The following MFSD6 variants were observed in gnomAD, a reference collection of about 807,000 sequenced individuals.
MFSD6 encodes major facilitator superfamily domain-containing protein 6.
A neutral mutation model predicts 56.3 loss-of-function variants in MFSD6; 26 were observed. The observed-to-expected ratio is 0.46, with a 90% CI of 0.34 to 0.64. The LOEUF (loss-of-function observed/expected upper bound fraction) is 0.64. Ranked by LOEUF, MFSD6 falls within the 30% of genes least tolerant of loss-of-function variation. The probability of loss-of-function intolerance (pLI) is 0.01; values close to 1 mark genes in which losing one functional copy is unlikely to be tolerated. For missense variants in MFSD6, 750 were observed against 986.2 expected, an observed-to-expected ratio of 0.76 and a Z score of 3.21; for synonymous variants, 331 against 366.9, an observed-to-expected ratio of 0.90 and a Z score of 1.12.
chr2:190,436,194 C>G lies in MFSD6; in HGVS notation c.165C>G (p.Asp55Glu). Reference protein sequence around the residue: ...ETSAIPEEEIDWIEKHCVKIN... With the variant: ...ETSAIPEEEIEWIEKHCVKIN... ...CTGCTATTCCTGAGGAGGAAATAGA[C>G]TGGATAGAGAAACATTGTGTTAAGA... Residue 55 changes from aspartate (D) to glutamate (E), a missense_variant, in exon 3 of 8, where the codon GAC becomes GAG. By Grantham distance (45) the Asp-to-Glu change is conservative (BLOSUM62 2). Coordinates refer to ENST00000392328, the MANE Select transcript of MFSD6 (RefSeq NM_017694.4). The surrounding 1 kb of genome is among the most constrained non-coding windows in gnomAD (Gnocchi z 5.3). 1 of 1,614,150 alleles carries G rather than the reference C, an allele frequency of 6.2e-7. No individual in the cohort carries two copies. Among genetic ancestry groups the G allele is most frequent in the Non-Finnish European group, 8.5e-7 (1 of 1,179,970 alleles).
intron 3 of MFSD6, among the ~76,000 whole-genome samples, chr2:190,452,253 T>A (rs1317611800): frequency 1.3e-5 from 2 of 152,038 alleles, no homozygotes; most frequent in African/African-American, 2.4e-5. Flanking sequence ...AGACTCCATC[T>A]CAAAAACAAC....
intron 3 of MFSD6, among the ~76,000 whole-genome samples, chr2:190,445,139 G>A (rs1034066455): frequency 1.3e-5 from 2 of 152,110 alleles, no homozygotes; most frequent in African/African-American, 4.8e-5. Flanking sequence ...GGCCTGCTGT[G>A]TGAGCTGAGT....
At chr2:190,476,191 C>CA (rs1559133531) in intron 4 of MFSD6, among the ~76,000 whole-genome samples, 1 of 151,922 alleles carries the variant, frequency 6.6e-6, no homozygotes, top group African/African-American at 2.4e-5. Context: ...GCAATGGCAA[C>CA]AAAAGCCAAA....
chr2:190,443,572 G>A lies in MFSD6; in HGVS notation c.1532+6011G>A, dbSNP rs989558350. Among the ~76,000 whole-genome samples, 39 of 152,198 alleles carry A rather than the reference G, an allele frequency of 2.6e-4. No homozygotes were observed. Among genetic ancestry groups the A allele is most frequent in the Non-Finnish European group, 5.7e-4 (39 of 68,044 alleles). On this transcript the variant is annotated intron_variant, in intron 3 of 7. Transcript: ENST00000392328. The surrounding 1 kb of genome is among the most constrained non-coding windows in gnomAD (Gnocchi z 4.2). The stretch of plus-strand genomic sequence containing the variant: ...CAGATGATTAAACCTGCAAAGTCAA[G>A]ATGTTTATGATTTTCAAAATAACTA...
rs778355872 is a variant in MFSD6, at chr2:190,433,133, T to C, written c.-53-2844T>C. Among the ~76,000 whole-genome samples, 3 of 152,206 alleles carry C rather than the reference T, an allele frequency of 2.0e-5. No individual in the cohort carries two copies. The highest frequency in any genetic ancestry group is 4.4e-5 in the Non-Finnish European group (3 of 68,034). On this transcript the variant is annotated intron_variant, in intron 2 of 7. Coordinates refer to ENST00000392328, the MANE Select transcript of MFSD6 (RefSeq NM_017694.4). The surrounding 1 kb of genome is among the most constrained non-coding windows in gnomAD (Gnocchi z 4.5). ...TACAGTGTGTGTGTATGTTTGGGTGTGTGTGTGTTTATTGTCATTTTAGTG... is the reference window on the plus strand; with the variant it reads ...TACAGTGTGTGTGTATGTTTGGGTGCGTGTGTGTTTATTGTCATTTTAGTG...
Position 190,411,391 on chromosome 2 carries a change from C to T in MFSD6, c.-176+2888C>T, listed in dbSNP as rs1380058475. The T allele has an allele frequency of 6.7e-6, 5 of 744,084 alleles. No homozygotes were observed. The African/African-American group carries it at 7.7e-5, about 11-fold the overall frequency. The allele number at this position is 744,084 out of a possible 1,614,324, so 46.1% of individuals were successfully genotyped here. A position where few individuals can be genotyped will look rare whatever the true frequency, so the allele number is the denominator to read the frequency against. On this transcript the variant is annotated intron_variant, in intron 1 of 7. Coordinates refer to ENST00000392328, the MANE Select transcript of MFSD6 (RefSeq NM_017694.4). ...GCCAGGATGGTCTCCATCTCCTGAC[C>T]TCATGATTCCCCTGCCTAGGCCTCC...
rs760469565 is a variant in MFSD6, at chr2:190,496,655, T to C, written c.1892-784T>C. ...ATGTGTGTATATATATGTATATGTG[T>C]ATATGTGTGTGTATGTGTGTGTGTA... is the stretch of plus-strand genomic sequence containing the variant. On this transcript the variant is annotated intron_variant, in intron 6 of 7. Coordinates refer to ENST00000392328, the MANE Select transcript of MFSD6 (RefSeq NM_017694.4). This position sits in a 1 kb window ranked among gnomAD's most constrained non-coding sequence, Gnocchi z 4.7. Among the ~76,000 whole-genome samples, 1 of 151,744 alleles carries C rather than the reference T, an allele frequency of 6.6e-6. No homozygotes were observed. The highest frequency in any genetic ancestry group is 1.5e-5 in the Non-Finnish European group (1 of 68,018).
rs1689665874 is a variant in MFSD6 at position 190,496,186 on chromosome 2, C to G, written c.1892-1253C>G. Among the ~76,000 whole-genome samples, 1 of 150,168 alleles carries G rather than the reference C, an allele frequency of 6.7e-6. No individual in the cohort carries two copies. The highest frequency in any genetic ancestry group is 1.5e-5 in the Non-Finnish European group (1 of 67,618). ...AGAGTGGACTAAGGACATGCATAAA[C>G]AATTCTCAAGCAAAGATACACAAAT... On this transcript the variant is annotated intron_variant, in intron 6 of 7. Coordinates refer to ENST00000392328, the MANE Select transcript of MFSD6 (RefSeq NM_017694.4). The surrounding 1 kb of genome is among the most constrained non-coding windows in gnomAD (Gnocchi z 4.7).
rs943414883 is a variant in MFSD6 at position 190,416,978 on chromosome 2, G to C, written c.-54+1565G>C. On this transcript the variant is annotated intron_variant, in intron 2 of 7. Coordinates refer to ENST00000392328, the MANE Select transcript of MFSD6 (RefSeq NM_017694.4). The surrounding 1 kb of genome is among the most constrained non-coding windows in gnomAD (Gnocchi z 4.1). ...CTTGTCAAAATAAACAGTATTGAGA[G>C]CTTACAGGGGTAAAGGGCAATATGT... Among the ~76,000 whole-genome samples the C allele has an allele frequency of 2.0e-5, 3 of 152,116 alleles. No individual in the cohort carries two copies. Among genetic ancestry groups the C allele is most frequent in the African/African-American group, 7.2e-5 (3 of 41,416 alleles).
chr2:190,408,966 A>G (rs1291146703), intron 1 of MFSD6, among the ~76,000 whole-genome samples: 1 of 152,188 alleles, frequency 6.6e-6, no homozygotes, highest in African/African-American at 2.4e-5. Flanking sequence ...CCCTGGGAAA[A>G]AGGAGGAGGT....
intron 4 of MFSD6, among the ~76,000 whole-genome samples, chr2:190,475,707 A>T (rs1011377659): frequency 1.2e-4 from 18 of 152,172 alleles, no homozygotes; most frequent in African/African-American, 4.3e-4. Context: ...ATTGGAAAAA[A>T]CTACTTTAAA....
intron 4 of MFSD6, among the ~76,000 whole-genome samples, chr2:190,480,650 A>G (rs1269854832): frequency 6.6e-6 from 1 of 152,222 alleles, no homozygotes; most frequent in African/African-American, 2.4e-5. Flanking sequence ...ATAAAGTGCT[A>G]AGGCTTGAAT....
In MFSD6 at chr2:190,489,687, T is replaced by A; in HGVS notation, c.1793-81T>A. The A allele has an allele frequency of 7.6e-7, 1 of 1,319,774 alleles. No homozygotes were observed. The highest frequency in any genetic ancestry group is 1.1e-6 in the Non-Finnish European group (1 of 950,688). The allele number at this position is 1,319,774 out of a possible 1,614,324, so 81.8% of individuals were successfully genotyped here. On this transcript the variant is annotated intron_variant, in intron 5 of 7. Transcript: ENST00000392328. The surrounding 1 kb of genome is among the most constrained non-coding windows in gnomAD (Gnocchi z 6.6). ...TCAAGCTGTGCTTCCTTTGCTTTGA[T>A]CTTTAGAAAACTGATGGTTTTAGAT...
At chr2:190,460,529 C>A (rs4853710) in intron 3 of MFSD6, among the ~76,000 whole-genome samples, 3 of 152,080 alleles carry the variant, frequency 2.0e-5, no homozygotes, top group Non-Finnish European at 4.4e-5. Context: ...TCTTCCGTTC[C>A]GGACTATTTA....
At chr2:190,442,265 A>G (rs1199665012) in intron 3 of MFSD6, among the ~76,000 whole-genome samples, 1 of 152,152 alleles carries the variant, frequency 6.6e-6, no homozygotes, top group African/African-American at 2.4e-5. Context: ...ACATTTGTTC[A>G]ATTTAGTTGA....
chr2:190,477,932 T>G (rs1403458244), intron 4 of MFSD6, among the ~76,000 whole-genome samples: 1 of 144,516 alleles, frequency 6.9e-6, no homozygotes, highest in Non-Finnish European at 1.6e-5. Flanking sequence ...CTAAAGAGAG[T>G]AGGCATTCCA....
intron 2 of MFSD6, among the ~76,000 whole-genome samples, chr2:190,435,504 A>G (rs1686147393): frequency 6.6e-6 from 1 of 152,182 alleles, no homozygotes; most frequent in Non-Finnish European, 1.5e-5. Context: ...CTTTCTCATT[A>G]CATTTGTGGT....
chr2:190,477,603 A>G (rs887821100), intron 4 of MFSD6, among the ~76,000 whole-genome samples: 7 of 152,212 alleles, frequency 4.6e-5, no homozygotes, highest in African/African-American at 1.7e-4. Flanking sequence ...TAATTTATTA[A>G]AGATATATTA....
At position 190,433,532 on chromosome 2, in the gene MFSD6, G is replaced by A. The variant is rs781068744; in HGVS notation, c.-53-2445G>A. The A allele has an allele frequency of 6.6e-6, 1 of 152,190 alleles. No individual in the cohort carries two copies. Among genetic ancestry groups the A allele is most frequent in the Non-Finnish European group, 1.5e-5 (1 of 68,024 alleles). 9.4% of individuals were successfully genotyped at this position (152,190 alleles called of 1,614,324 possible). On this transcript the variant is annotated intron_variant, in intron 2 of 7. Coordinates refer to ENST00000392328, the MANE Select transcript of MFSD6 (RefSeq NM_017694.4). This position sits in a 1 kb window ranked among gnomAD's most constrained non-coding sequence, Gnocchi z 4.5. ...CTGATTTGGAAACTAAATAGAGGTG[G>A]TGGCCATATACATTGTGAATATAGT...
Sources: gnomAD v4.1 joint callset for allele counts (sites outside exome capture counted in the v4.1 genomes callset) on GRCh38, gnomAD v4.1.1 for gene constraint, Gnocchi (gnomAD v3.1) non-coding constraint, MANE v1.5 for transcripts, NCBI Gene and HGNC (gene_info 2026-07-23, HGNC 2026-07-21) for gene names.